Variants in CNTNAP2 observed in about 807,000 individuals in gnomAD.
CNTNAP2 encodes the protein contactin-associated protein-like 2.
In CNTNAP2, 98 loss-of-function variants were observed where a neutral mutation model predicts 155.2. That is an observed-to-expected ratio of 0.63 (90% CI 0.54 to 0.75). The LOEUF (loss-of-function observed/expected upper bound fraction) is 0.75, where lower values mean the gene tolerates loss of function less well. CNTNAP2 is among the 30% of genes least tolerant of loss of function. The pLI is 0.00. For synonymous variants in CNTNAP2, 651 were observed against 631.2 expected, an observed-to-expected ratio of 1.03 and a Z score of -0.47; for missense variants, 1,727 against 1,688.1, an observed-to-expected ratio of 1.02 and a Z score of -0.40.
At chr7:146,875,934 C>CAAAAAA (rs56304234) in intron 3 of CNTNAP2, among the ~76,000 whole-genome samples, 112 of 55,144 alleles carry the variant, frequency 2.0e-3, no homozygotes, top group Non-Finnish European at 2.3e-3. Context: ...ACATACACAG[C>CAAAAAA]AAAAAAAAAA....
intron 18 of CNTNAP2, among the ~76,000 whole-genome samples, chr7:148,198,611 A>G (rs192906064): frequency 6.6e-6 from 1 of 152,304 alleles, no homozygotes; most frequent in African/African-American, 2.4e-5. Context: ...GCTTTGGAGG[A>G]CACTGTGTTC....
chr7:146,529,139 T>C (rs13228971), intron 1 of CNTNAP2, among the ~76,000 whole-genome samples: 10,787 of 152,272 alleles, frequency 0.071, 414 homozygotes, highest in Non-Finnish European at 0.085. Context: ...TTTTTGTTTG[T>C]TTTCTTATGC....
At chr7:147,246,010 TATAA>T (rs1286663188) in intron 8 of CNTNAP2, among the ~76,000 whole-genome samples, 13 of 149,688 alleles carry the variant, frequency 8.7e-5, no homozygotes, top group African/African-American at 2.7e-4. Context: ...AAATCTTATA[TATAA>T]ATAAGACTCA....
chr7:147,985,119 T>A (rs376910830), intron 15 of CNTNAP2, among the ~76,000 whole-genome samples: 17 of 104,480 alleles, frequency 1.6e-4, no homozygotes, highest in Non-Finnish European at 3.1e-4. Flanking sequence ...TGTCAAAAAA[T>A]AAATAAATAA....
intron 3 of CNTNAP2, among the ~76,000 whole-genome samples, chr7:147,024,270 C>A (rs867447203): frequency 6.6e-6 from 1 of 152,024 alleles, no homozygotes; most frequent in African/African-American, 2.4e-5. Context: ...ACATCTATAT[C>A]GCAATTGCAA....
At chr7:146,778,065 A>G (rs10231156) in intron 2 of CNTNAP2, among the ~76,000 whole-genome samples, 7,102 of 152,270 alleles carry the variant, frequency 0.047, 563 homozygotes, top group African/African-American at 0.16. Flanking sequence ...CAGACACTAT[A>G]TAAGTATCTG....
At chr7:147,571,723 G>A (rs1376902204) in intron 12 of CNTNAP2, among the ~76,000 whole-genome samples, 1 of 152,028 alleles carries the variant, frequency 6.6e-6, no homozygotes, top group African/African-American at 2.4e-5. Context: ...CATAAGTTGG[G>A]CGCTACTAAG....
chr7:147,445,972 G>T (rs1797730088), intron 10 of CNTNAP2, among the ~76,000 whole-genome samples: 2 of 151,922 alleles, frequency 1.3e-5, no homozygotes, highest in South Asian at 4.2e-4. Flanking sequence ...GTGATCAAAG[G>T]TTCTGAGTGG....
At chr7:146,451,123 T>G (rs1481614833) in intron 1 of CNTNAP2, among the ~76,000 whole-genome samples, 6 of 152,080 alleles carry the variant, frequency 3.9e-5, no homozygotes, top group Non-Finnish European at 8.8e-5. Context: ...ATTTTTTGTA[T>G]TTTTAGTACA....
At chr7:147,124,976 G>A (rs1801204241) in intron 6 of CNTNAP2, among the ~76,000 whole-genome samples, 1 of 145,366 alleles carries the variant, frequency 6.9e-6, no homozygotes, top group South Asian at 2.2e-4. Flanking sequence ...CGCCTCCCGG[G>A]TTCAAGTGAT....
Position 146,158,573 on chromosome 7 carries a change from G to A in CNTNAP2, c.97+41600G>A, listed in dbSNP as rs111885235. Among the ~76,000 whole-genome samples the A allele has an allele frequency of 2.7e-3, 409 of 152,196 alleles. 4 individuals are homozygous for A. Among genetic ancestry groups the A allele is most frequent in the African/African-American group, 9.3e-3 (385 of 41,518 alleles). Reference sequence around the variant, plus strand: ...ATGACCTGATGAAGCTGAAAACCACGGCATGAGAACTATGTGACGCATGTG... The same window carrying A: ...ATGACCTGATGAAGCTGAAAACCACAGCATGAGAACTATGTGACGCATGTG... On this transcript the variant is annotated intron_variant, in intron 1 of 23. Coordinates refer to ENST00000361727, the MANE Select transcript of CNTNAP2 (RefSeq NM_014141.6).
intron 3 of CNTNAP2, among the ~76,000 whole-genome samples, chr7:146,861,472 T>A (rs1283074516): frequency 1.3e-5 from 2 of 152,172 alleles, no homozygotes; most frequent in African/African-American, 4.8e-5. Flanking sequence ...AGAAAACTTT[T>A]AGTGAAGAAT....
intron 1 of CNTNAP2, among the ~76,000 whole-genome samples, chr7:146,714,693 A>G (rs1263432885): frequency 1.3e-5 from 2 of 152,244 alleles, no homozygotes; most frequent in Non-Finnish European, 1.5e-5. Flanking sequence ...TATGGACATA[A>G]GAATTAAATA....
intron 2 of CNTNAP2, among the ~76,000 whole-genome samples, chr7:146,838,749 G>A (rs140144009): frequency 1.5e-4 from 23 of 152,184 alleles, no homozygotes; most frequent in East Asian, 3.9e-4. Flanking sequence ...TATTATGAAC[G>A]TCCTCATAGA....
intron 13 of CNTNAP2, among the ~76,000 whole-genome samples, chr7:147,868,126 G>T (rs952838069): frequency 6.6e-6 from 1 of 152,042 alleles, no homozygotes; most frequent in Non-Finnish European, 1.5e-5. Flanking sequence ...CTACAGATGG[G>T]GTTTTGGTGT....
In CNTNAP2 at chr7:146,812,430, TATATATATATAAAAA is replaced by T. The variant is rs897651434; in HGVS notation, c.209-27269_209-27255del. ...TGGCAGAAGAAATTTCTTTTATATG[TATATATATATAAAAA>T]ATATATATATATATATATTTATACT... On this transcript the variant is annotated intron_variant, in intron 2 of 23. Transcript: ENST00000361727. Among the ~76,000 whole-genome samples the T allele has an allele frequency of 2.6e-3, 370 of 142,638 alleles. 3 individuals are homozygous for T. Among genetic ancestry groups the T allele is most frequent in the African/African-American group, 9.8e-3 (356 of 36,506 alleles). 93.6% of individuals were successfully genotyped at this position (142,638 alleles called of 152,430 possible). A position where few individuals can be genotyped will look rare whatever the true frequency, so the allele number is the denominator to read the frequency against.
intron 11 of CNTNAP2, among the ~76,000 whole-genome samples, chr7:147,519,369 CT>C (rs1255946261): frequency 6.6e-6 from 1 of 152,112 alleles, no homozygotes; most frequent in Non-Finnish European, 1.5e-5. Context: ...TGTTAAGATC[CT>C]TGTGTTTCTA....
At chr7:147,616,069 T>C (rs908654803) in intron 12 of CNTNAP2, among the ~76,000 whole-genome samples, 7 of 152,124 alleles carry the variant, frequency 4.6e-5, no homozygotes, top group East Asian at 3.9e-4. Context: ...CATTTTTTTT[T>C]CCCCCTGATA....
chr7:148,178,659 C>T (rs1277610612), intron 18 of CNTNAP2, among the ~76,000 whole-genome samples: 1 of 152,144 alleles, frequency 6.6e-6, no homozygotes, highest in African/African-American at 2.4e-5. Flanking sequence ...GTTACGTAAC[C>T]TTAGGAAAAT....
Sources: allele counts gnomAD v4.1 joint callset (sites outside exome capture counted in the v4.1 genomes callset), GRCh38; gene constraint gnomAD v4.1.1; transcripts MANE v1.5; gene names NCBI Gene and HGNC (gene_info 2026-07-23, HGNC 2026-07-21).